The following HTR6 variants were observed in gnomAD, a reference collection of about 807,000 sequenced individuals.
HTR6 encodes the protein 5-hydroxytryptamine receptor 6.
Under a neutral mutation model 17.4 loss-of-function variants are expected in HTR6, and 15 were observed. The ratio of observed to expected loss-of-function variants is 0.86; its 90% CI spans 0.58 to 1.33. The LOEUF is 1.33. Ranked by LOEUF, HTR6 falls within the 40% of genes most tolerant of loss-of-function variation. The pLI, the probability that HTR6 is intolerant of heterozygous loss-of-function variation, is 0.00. For synonymous variants in HTR6, 326 were observed against 295.5 expected (o/e 1.10, Z -1.06); for missense variants, 578 against 616.0 (o/e 0.94, Z 0.65).
Position 19,679,341 on chromosome 1 carries a change from G to A in HTR6, c.1296G>A (p.Pro432=), listed in dbSNP as rs6321. Residue 432 remains proline (P), a synonymous_variant, in exon 3 of 3, where the codon CCG becomes CCA. Transcript: ENST00000289753. This position sits in a 1 kb window ranked among gnomAD's most constrained non-coding sequence, Gnocchi z 4.9. ...NIDPAEPELR[P]HPLGIPTN ...ACCCCGCGGAGCCCGAGCTGCGGCC[G>A]CATCCACTTGGCATCCCCACGAACT... 9,290 of 1,596,866 alleles carry A rather than the reference G, an allele frequency of 5.8e-3. 48 individuals are homozygous for A. Among genetic ancestry groups the A allele is most frequent in the Middle Eastern group, 8.4e-3 (40 of 4,762 alleles).
intron 1 of HTR6, among the ~76,000 whole-genome samples, chr1:19,669,680 C>T (rs1260281631): frequency 2.0e-5 from 3 of 152,228 alleles, no homozygotes; most frequent in African/African-American, 7.2e-5. Context: ...CGGAGCATCT[C>T]GTCCTTTTTC....
chr1:19,669,240 C>T (rs2100469454), intron 1 of HTR6, among the ~76,000 whole-genome samples: 1 of 152,300 alleles, frequency 6.6e-6, no homozygotes, highest in South Asian at 2.1e-4. Context: ...ATGAATCTCG[C>T]TGGCTGGTAC....
At chr1:19,677,170 G>C (rs1281873752) in intron 1 of HTR6, among the ~76,000 whole-genome samples, 2 of 152,092 alleles carry the variant, frequency 1.3e-5, no homozygotes, top group South Asian at 2.1e-4. Context: ...TCTTGTCTGT[G>C]TGTGTGTGTG....
intron 1 of HTR6, among the ~76,000 whole-genome samples, chr1:19,673,701 A>T (rs2095090958): frequency 6.6e-6 from 1 of 152,198 alleles, no homozygotes; most frequent in Admixed American, 6.5e-5. Flanking sequence ...TTCGTCTCAA[A>T]AAATAAATAA....
chr1:19,673,992 G>A (rs537838580), intron 1 of HTR6, among the ~76,000 whole-genome samples: 14 of 151,554 alleles, frequency 9.2e-5, no homozygotes, highest in Middle Eastern at 3.4e-3. Flanking sequence ...GTCAACCTCC[G>A]GAGTAGCTGG....
Position 19,666,553 on chromosome 1 carries a change from C to A in HTR6, c.714+86C>A. ...GGACCCCCTGGGCATCCCCACTTAG[C>A]ACACATTTGCTCATGGCCCTGCGTG... On this transcript the variant is annotated intron_variant, in intron 1 of 2. Transcript: ENST00000289753. The surrounding 1 kb of genome is among the most constrained non-coding windows in gnomAD (Gnocchi z 4.5). 2 of 989,968 alleles carry A rather than the reference C, an allele frequency of 2.0e-6. No homozygotes were observed. The highest frequency in any genetic ancestry group is 1.6e-5 in the South Asian group (1 of 60,804). 61.3% of individuals were successfully genotyped at this position (989,968 alleles called of 1,614,324 possible).
In HTR6 at chr1:19,666,276, C is replaced by G; in HGVS notation, c.523C>G (p.Pro175Ala). The change falls in exon 1 of 3, where the codon CCC becomes GCC. Residue 175 changes from proline to alanine, a missense_variant. Physicochemically the swap from Pro to Ala is conservative, Grantham distance 27. Transcript: ENST00000289753. This position sits in a 1 kb window ranked among gnomAD's most constrained non-coding sequence, Gnocchi z 4.5. ...GWHELGHARP[P>A]VPGQCRLLAS... ...GCACGAGCTGGGCCACGCACGGCCA[C>G]CCGTCCCTGGCCAGTGCCGCCTGCT... is the stretch of plus-strand genomic sequence containing the variant. The G allele has an allele frequency of 1.9e-6, 3 of 1,611,266 alleles. No homozygotes were observed. The highest frequency in any genetic ancestry group is 1.7e-4 in the Middle Eastern group (1 of 6,056).
chr1:19,674,898 T>C (rs543124369), intron 1 of HTR6, among the ~76,000 whole-genome samples: 6 of 152,318 alleles, frequency 3.9e-5, no homozygotes, highest in Admixed American at 2.6e-4. Context: ...CTGACACTGA[T>C]ACAGAAGGGA....
rs115601846 is a variant in HTR6 at position 19,673,889 on chromosome 1, C to A, written c.715-4678C>A. Among the ~76,000 whole-genome samples the A allele has an allele frequency of 8.3e-3, 1,114 of 134,812 alleles. 15 individuals are homozygous for A. The highest frequency in any genetic ancestry group is 0.03 in the African/African-American group (1,054 of 35,286). 88.4% of individuals were successfully genotyped at this position (134,812 alleles called of 152,430 possible). A position where few individuals can be genotyped will look rare whatever the true frequency, so the allele number is the denominator to read the frequency against. The stretch of plus-strand genomic sequence containing the variant: ...TTTTTTTTTTTTTTTTCTGTTAGGA[C>A]AGAGTGTCACTCTGTCACCCAGGCT... On this transcript the variant is annotated intron_variant, in intron 1 of 2. Coordinates refer to ENST00000289753, the MANE Select transcript of HTR6 (RefSeq NM_000871.3).
At chr1:19,677,063 TCA>T (rs1336523359) in intron 1 of HTR6, among the ~76,000 whole-genome samples, 8 of 152,210 alleles carry the variant, frequency 5.3e-5, no homozygotes, top group Admixed American at 3.3e-4. Flanking sequence ...GAGGAGGGCT[TCA>T]CATCCCAGCT....
rs1280045791 is a variant in HTR6, at chr1:19,664,925, C to A, written c.-829C>A. On this transcript the variant is annotated 5_prime_UTR_variant, in exon 1 of 3. Coordinates refer to ENST00000289753, the MANE Select transcript of HTR6 (RefSeq NM_000871.3). The surrounding 1 kb of genome is among the most constrained non-coding windows in gnomAD (Gnocchi z 4.7). ...CGGGCCCCTCGCGGCGCCTCCCGGG[C>A]TCGGGAGACCCGGTCCCGCCGCCCG... is the stretch of plus-strand genomic sequence containing the variant. Among the ~76,000 whole-genome samples, 1 of 149,814 alleles carries A rather than the reference C, an allele frequency of 6.7e-6. No individual in the cohort carries two copies.
chr1:19,679,396 G>C lies in HTR6; in HGVS notation c.*28G>C. 1.4e-5 allele frequency: 21 copies of C among 1,536,626 alleles called. No homozygotes were observed. The highest frequency in any genetic ancestry group is 2.5e-5 in the South Asian group (2 of 79,514). ...CGGGCTTGGGGCTGGCCAATGGGGA[G>C]CTGGATTGAGCAGAACCCAGACCCT... On this transcript the variant is annotated 3_prime_UTR_variant, in exon 3 of 3. Transcript: ENST00000289753. This position sits in a 1 kb window ranked among gnomAD's most constrained non-coding sequence, Gnocchi z 4.9.
rs970049235 is a variant in HTR6, at chr1:19,665,172, C to G, written c.-582C>G. On this transcript the variant is annotated 5_prime_UTR_variant, in exon 1 of 3. The change creates a new upstream start codon in the 5' untranslated region. Transcript: ENST00000289753. This position sits in a 1 kb window ranked among gnomAD's most constrained non-coding sequence, Gnocchi z 4.2. Reference sequence around the variant, plus strand: ...GCCGCACAGGCCGTGTGCGCCGGATCCCGGTGCCTCCGCGCCAGCTGAGAC... The same window carrying G: ...GCCGCACAGGCCGTGTGCGCCGGATGCCGGTGCCTCCGCGCCAGCTGAGAC... 2.6e-5 allele frequency: 4 copies of G among 151,996 alleles called. No homozygotes were observed. The highest frequency in any genetic ancestry group is 4.8e-5 in the African/African-American group (2 of 41,398). 9.4% of individuals were successfully genotyped at this position (151,996 alleles called of 1,614,324 possible).
chr1:19,676,930 G>A (rs1032727941), intron 1 of HTR6, among the ~76,000 whole-genome samples: 5 of 152,254 alleles, frequency 3.3e-5, no homozygotes, highest in African/African-American at 1.2e-4. Context: ...CACCCTTTGC[G>A]TAGCTCATGA....
chr1:19,675,106 C>T (rs771557902), intron 1 of HTR6, among the ~76,000 whole-genome samples: 4 of 152,180 alleles, frequency 2.6e-5, no homozygotes, highest in Non-Finnish European at 5.9e-5. Context: ...TGGATGCCGT[C>T]TCCAAAGGTG....
rs1334421666 is a variant in HTR6, at chr1:19,665,730, C to T, written c.-24C>T. ...CTGCTTTCCCGCCACCCTATCACTCCCTTGCCGTCCACCCTCGGTCCTCAT... is the reference window on the plus strand; with the variant it reads ...CTGCTTTCCCGCCACCCTATCACTCTCTTGCCGTCCACCCTCGGTCCTCAT... On this transcript the variant is annotated 5_prime_UTR_variant, in exon 1 of 3. Transcript: ENST00000289753. This position sits in a 1 kb window ranked among gnomAD's most constrained non-coding sequence, Gnocchi z 4.2. 2.1e-6 allele frequency: 3 copies of T among 1,422,366 alleles called. No individual in the cohort carries two copies. The highest frequency in any genetic ancestry group is 2.8e-6 in the Non-Finnish European group (3 of 1,071,346). 88.1% of individuals were successfully genotyped at this position (1,422,366 alleles called of 1,614,324 possible).
chr1:19,678,517 T>A (rs2095097043), intron 1 of HTR6, 50 bp from the exon 2 acceptor site: 2 of 1,607,246 alleles, frequency 1.2e-6, no homozygotes, highest in Middle Eastern at 2.3e-4. Flanking sequence ...AGGATCAGGG[T>A]CAGACGGGGG....
chr1:19,675,103 C>T (rs773682658), intron 1 of HTR6, among the ~76,000 whole-genome samples: 17 of 152,116 alleles, frequency 1.1e-4, no homozygotes, highest in South Asian at 2.1e-4. Flanking sequence ...CCATGGATGC[C>T]GTCTCCAAAG....
In HTR6 at chr1:19,678,557, C is replaced by T. The variant is rs1287406776; in HGVS notation, c.715-10C>T. ...TTCTCAACGGACTCATGTGGCCTTC[C>T]TTTCCGCAGGTGCCCAGGACCCCAC... is the stretch of plus-strand genomic sequence containing the variant. On this transcript the variant is annotated splice_polypyrimidine_tract_variant and intron_variant, in intron 1 of 2. Transcript: ENST00000289753. 1 of 1,612,268 alleles carries T rather than the reference C, an allele frequency of 6.2e-7. No individual in the cohort carries two copies. Among genetic ancestry groups the T allele is most frequent in the East Asian group, 2.2e-5 (1 of 44,886 alleles).
Sources: allele counts gnomAD v4.1 joint callset (sites outside exome capture counted in the v4.1 genomes callset), GRCh38; gene constraint gnomAD v4.1.1; non-coding constraint Gnocchi (gnomAD v3.1); transcripts MANE v1.5; gene names NCBI Gene and HGNC (gene_info 2026-07-23, HGNC 2026-07-21).